Variants in SRFBP1 observed in about 807,000 individuals in gnomAD.
SRFBP1 encodes the protein serum response factor-binding protein 1.
A neutral mutation model predicts 45.5 loss-of-function variants in SRFBP1; 47 were observed. The observed-to-expected ratio is 1.03, with a 90% confidence interval of 0.82 to 1.32. The LOEUF is 1.32. Among genes scored for constraint, SRFBP1 ranks in the 40% most tolerant of loss-of-function variants. SRFBP1 has a pLI of 0.00. For missense variants in SRFBP1, 621 were observed against 484.6 expected (o/e 1.28, Z -2.64); for synonymous variants, 203 against 166.3 (o/e 1.22, Z -1.70).
intron 2 of SRFBP1, among the ~76,000 whole-genome samples, chr5:122,047,549 T>A (rs1338776328): frequency 6.6e-6 from 1 of 152,222 alleles, no homozygotes; most frequent in African/African-American, 2.4e-5. Flanking sequence ...TGGTTCCATA[T>A]GAACTTTAAA....
intron 2 of SRFBP1, among the ~76,000 whole-genome samples, chr5:122,035,076 C>G (rs950835371): frequency 1.3e-5 from 2 of 151,926 alleles, no homozygotes; most frequent in African/African-American, 4.8e-5. Context: ...TTCTATTACC[C>G]TTTCACAAGT....
At chr5:121,978,119 A>C (rs944042683) in intron 3 of SRFBP1, among the ~76,000 whole-genome samples, 1 of 152,202 alleles carries the variant, frequency 6.6e-6, no homozygotes, top group Admixed American at 6.5e-5. Flanking sequence ...TTACTCAATA[A>C]TAAAAGTAAC....
rs1342031117 is a variant in SRFBP1, at chr5:122,020,353, G to A, written c.618G>A (p.Lys206=). The A allele has an allele frequency of 3.1e-6, 5 of 1,614,012 alleles. No individual in the cohort carries two copies. Among genetic ancestry groups the A allele is most frequent in the African/African-American group, 1.3e-5 (1 of 75,030 alleles). Residue 206 remains lysine (K), a synonymous_variant, in exon 6 of 8, where the codon AAG becomes AAA. Coordinates refer to ENST00000339397, the MANE Select transcript of SRFBP1 (RefSeq NM_152546.3). ...TGACTATTGCAAATTCTCCATCAAAGCCTTCAGAAAAGGATTCTGTAGTTT... is the reference window on the plus strand; with the variant it reads ...TGACTATTGCAAATTCTCCATCAAAACCTTCAGAAAAGGATTCTGTAGTTT... The part of the protein sequence containing the change: ...KAVTIANSPS[K]PSEKDSVVSL...
intron 2 of SRFBP1, among the ~76,000 whole-genome samples, chr5:122,056,201 C>T (rs1580548115): frequency 6.6e-6 from 1 of 152,096 alleles, no homozygotes; most frequent in East Asian, 1.9e-4. Context: ...AAAAAACAGC[C>T]CTACAAGTAT....
chr5:122,018,312 A>G (rs989574937), intron 4 of SRFBP1, among the ~76,000 whole-genome samples: 3 of 152,028 alleles, frequency 2.0e-5, no homozygotes, highest in African/African-American at 7.2e-5. Context: ...AAGTTTAATT[A>G]TGTTGGTCCA....
intron 4 of SRFBP1, among the ~76,000 whole-genome samples, chr5:122,017,215 G>A (rs1580528332): frequency 1.3e-5 from 2 of 152,172 alleles, no homozygotes; most frequent in Admixed American, 6.5e-5. Flanking sequence ...GGGTGACAGA[G>A]TGAGACTCCC....
chr5:122,062,163 T>G (rs1367226192), intron 2 of SRFBP1, among the ~76,000 whole-genome samples: 1 of 151,896 alleles, frequency 6.6e-6, no homozygotes, highest in African/African-American at 2.4e-5. Flanking sequence ...TTCCCATACT[T>G]ACTTAATATT....
intron 5 of SRFBP1, 36 bp from the exon 6 acceptor site, chr5:122,020,052 A>G: frequency 7.3e-7 from 1 of 1,373,350 alleles, no homozygotes; most frequent in African/African-American, 1.5e-5. Context: ...TATATGTTTC[A>G]GTGCTAAAAT....
chr5:121,997,284 C>G (rs1032150413), intron 4 of SRFBP1, among the ~76,000 whole-genome samples: 8 of 147,312 alleles, frequency 5.4e-5, no homozygotes, highest in Non-Finnish European at 1.2e-4. Flanking sequence ...GCTACAGTAA[C>G]CAAAACAGCA....
intron 1 of SRFBP1, among the ~76,000 whole-genome samples, chr5:121,971,698 G>T (rs1160063174): frequency 6.6e-6 from 1 of 152,016 alleles, no homozygotes; most frequent in African/African-American, 2.4e-5. Flanking sequence ...ACTGGCTTGG[G>T]ACTGCCCCCT....
chr5:122,012,692 A>G (rs150859509), intron 4 of SRFBP1, among the ~76,000 whole-genome samples: 279 of 152,264 alleles, frequency 1.8e-3, no homozygotes, highest in African/African-American at 5.9e-3. Context: ...CTCTCCTACA[A>G]TACATTCTGA....
rs1354128058 is a variant in SRFBP1 at position 122,020,229 on chromosome 5, T to C, written c.494T>C (p.Ile165Thr). ...AATTTACAGCGTGAAGCAACTGTCA[T>C]CAGTGAGCAAAAAGTCAAAGAAACC... ...GSNLQREATVISEQKVKETKI... is the reference protein window; with the variant it reads ...GSNLQREATVTSEQKVKETKI... Residue 165 changes from isoleucine (I) to threonine (T), a missense_variant, in exon 6 of 8, where the codon ATC (isoleucine) becomes ACC (threonine). Coordinates refer to ENST00000339397, the MANE Select transcript of SRFBP1 (RefSeq NM_152546.3). 1 of 1,613,130 alleles carries C rather than the reference T, an allele frequency of 6.2e-7. No individual in the cohort carries two copies. Among genetic ancestry groups the C allele is most frequent in the Non-Finnish European group, 8.5e-7 (1 of 1,179,740 alleles).
rs113019110 is a variant in SRFBP1 at position 122,033,887 on chromosome 5, G to A, written n.311+11480G>A. Among the ~76,000 whole-genome samples, 928 of 134,818 alleles carry A rather than the reference G, an allele frequency of 6.9e-3. 19 individuals carry two copies. Among genetic ancestry groups the A allele is most frequent in the African/African-American group, 0.026 (885 of 34,652 alleles). The allele number at this position is 134,818 out of a possible 152,430, so 88.4% of individuals were successfully genotyped here. On this transcript the variant is annotated intron_variant and non_coding_transcript_variant, in intron 2 of 2. Coordinates refer to the SRFBP1 transcript ENST00000504881. The stretch of plus-strand genomic sequence containing the variant: ...TGCCCAGGCTGGAGTGCAGTGGCAC[G>A]ATCTCGGCTCACTGCAGCCTCTGCC...
chr5:121,984,596 T>A (rs1752477575), intron 3 of SRFBP1, among the ~76,000 whole-genome samples: 2 of 151,772 alleles, frequency 1.3e-5, no homozygotes, highest in Non-Finnish European at 3.0e-5. Flanking sequence ...TTTGACTTAT[T>A]TGCTGTGGTG....
At chr5:121,969,616 G>A (rs1184382284) in intron 1 of SRFBP1, among the ~76,000 whole-genome samples, 1 of 152,018 alleles carries the variant, frequency 6.6e-6, no homozygotes, top group African/African-American at 2.4e-5. Flanking sequence ...TAACTTTAAA[G>A]GCTTCTGTAT....
At chr5:122,022,435 A>G (rs781158788) in intron 7 of SRFBP1, 28 bp downstream of exon 7, 1 of 1,593,662 alleles carries the variant, frequency 6.3e-7, no homozygotes, top group Admixed American at 1.7e-5. Flanking sequence ...CCTGACCTTC[A>G]TATGCAATTA....
chr5:122,002,203 G>T (rs1015181578), intron 4 of SRFBP1, among the ~76,000 whole-genome samples: 3 of 152,190 alleles, frequency 2.0e-5, no homozygotes, highest in African/African-American at 7.2e-5. Context: ...AGAGCTCATG[G>T]AGGTTAGTTT....
intron 4 of SRFBP1, among the ~76,000 whole-genome samples, chr5:122,008,379 G>C (rs975958354): frequency 6.6e-6 from 1 of 152,110 alleles, no homozygotes; most frequent in South Asian, 2.1e-4. Flanking sequence ...GTCGGGGCCT[G>C]TGACGACCTT....
chr5:121,998,137 C>A (rs565516252), intron 4 of SRFBP1, among the ~76,000 whole-genome samples: 1 of 150,350 alleles, frequency 6.7e-6, no homozygotes, highest in African/African-American at 2.4e-5. Context: ...ACTAGAAATA[C>A]CATTTGACCC....
Sources: allele counts gnomAD v4.1 joint callset (sites outside exome capture counted in the v4.1 genomes callset), GRCh38; gene constraint gnomAD v4.1.1; transcripts MANE v1.5; gene names NCBI Gene and HGNC (gene_info 2026-07-23, HGNC 2026-07-21).